Variants in ILRUN observed in about 807,000 individuals in gnomAD.
ILRUN encodes inflammation and lipid regulator with UBA-like and NBR1-like domains.
A neutral mutation model predicts 33.8 loss-of-function variants in ILRUN; 3 were observed. The ratio of observed to expected loss-of-function variants is 0.09; its 90% CI spans 0.04 to 0.23. The LOEUF is 0.23. Among genes scored for constraint, ILRUN ranks in the 10% least tolerant of loss-of-function variants. ILRUN has a pLI of 1.00. For synonymous variants in ILRUN, 124 were observed against 138.9 expected (o/e 0.89, Z 0.75); for missense variants, 210 against 375.1 (o/e 0.56, Z 3.64).
chr6:34,674,683 C>T (rs1274174119), intron 1 of ILRUN, among the ~76,000 whole-genome samples: 1 of 152,266 alleles, frequency 6.6e-6, no homozygotes, highest in African/African-American at 2.4e-5. Context: ...ACTCTTTAAA[C>T]CATACATTTG....
intron 2 of ILRUN, among the ~76,000 whole-genome samples, chr6:34,647,354 A>G (rs142079548): frequency 3.2e-4 from 49 of 152,332 alleles, no homozygotes; most frequent in African/African-American, 1.1e-3. Context: ...TCAAGAGCTC[A>G]AGAGACCACA....
intron 3 of ILRUN, chr6:34,617,321 G>GA (rs202152358): frequency 5.4e-4 from 166 of 307,856 alleles, no homozygotes; most frequent in East Asian, 8.6e-4. Flanking sequence ...CTCTCAAATT[G>GA]AAAAAAAAAG....
chr6:34,621,731 G>A (rs984938908), intron 3 of ILRUN, among the ~76,000 whole-genome samples: 31 of 152,112 alleles, frequency 2.0e-4, no homozygotes, highest in South Asian at 6.2e-4. Context: ...GCATGGTGGC[G>A]TACCCCTGTG....
At chr6:34,659,142 A>C (rs561958131) in intron 1 of ILRUN, among the ~76,000 whole-genome samples, 10 of 152,330 alleles carry the variant, frequency 6.6e-5, no homozygotes, top group Admixed American at 3.9e-4. Context: ...CATTCAAACA[A>C]AGGTTAACTC....
At chr6:34,594,393 G>C (rs944174356) in intron 4 of ILRUN, among the ~76,000 whole-genome samples, 6 of 152,152 alleles carry the variant, frequency 3.9e-5, no homozygotes, top group Non-Finnish European at 8.8e-5. Flanking sequence ...CAGCAAGACT[G>C]ATTTATCCAT....
chr6:34,607,386 A>T (rs1254147826), intron 3 of ILRUN, among the ~76,000 whole-genome samples: 6 of 152,206 alleles, frequency 3.9e-5, no homozygotes, highest in Non-Finnish European at 8.8e-5. Flanking sequence ...GACAAATGAG[A>T]GTGAAAGAGG....
At chr6:34,627,734 G>A (rs576930159) in intron 3 of ILRUN, among the ~76,000 whole-genome samples, 86 of 135,646 alleles carry the variant, frequency 6.3e-4, no homozygotes, top group African/African-American at 2.4e-3. Context: ...ACAGAGTTTC[G>A]CTCTTGTAGC....
intron 1 of ILRUN, among the ~76,000 whole-genome samples, chr6:34,674,782 T>A (rs1763191467): frequency 6.6e-6 from 1 of 152,168 alleles, no homozygotes; most frequent in Non-Finnish European, 1.5e-5. Flanking sequence ...GAGTTTCAGC[T>A]GGGTACAGTA....
At chr6:34,598,966 C>T (rs985448174) in intron 4 of ILRUN, among the ~76,000 whole-genome samples, 1 of 152,170 alleles carries the variant, frequency 6.6e-6, no homozygotes, top group African/African-American at 2.4e-5. Flanking sequence ...GGGACAGGTC[C>T]CTTGGTTGCT....
chr6:34,677,921 C>T (rs946139892), intron 1 of ILRUN, among the ~76,000 whole-genome samples: 5 of 124,922 alleles, frequency 4.0e-5, no homozygotes, highest in African/African-American at 1.3e-4. Context: ...TGCACTCTAG[C>T]GTGAGTGACA....
At chr6:34,631,513 T>C (rs751588144) in intron 3 of ILRUN, among the ~76,000 whole-genome samples, 1 of 152,028 alleles carries the variant, frequency 6.6e-6, no homozygotes, top group Non-Finnish European at 1.5e-5. Context: ...TTTTTTGATA[T>C]ACACAGAGTT....
intron 3 of ILRUN, among the ~76,000 whole-genome samples, chr6:34,644,499 G>A (rs1762530739): frequency 6.6e-6 from 1 of 152,080 alleles, no homozygotes; most frequent in African/African-American, 2.4e-5. Context: ...CTCAGCAGTG[G>A]GAGAAACAAC....
intron 1 of ILRUN, among the ~76,000 whole-genome samples, chr6:34,655,362 GATAT>G (rs1289899595): frequency 2.0e-5 from 3 of 152,112 alleles, no homozygotes; most frequent in Non-Finnish European, 4.4e-5. Context: ...TACACACACA[GATAT>G]AACTGTTCAT....
At chr6:34,650,177 G>A (rs549174481) in intron 2 of ILRUN, among the ~76,000 whole-genome samples, 1 of 152,084 alleles carries the variant, frequency 6.6e-6, no homozygotes, top group African/African-American at 2.4e-5. Flanking sequence ...AGCTCTAGGT[G>A]CTGGTAAAGA....
chr6:34,649,644 T>C (rs1762623496), intron 2 of ILRUN, among the ~76,000 whole-genome samples: 1 of 152,222 alleles, frequency 6.6e-6, no homozygotes, highest in Non-Finnish European at 1.5e-5. Flanking sequence ...TTAGTAAGTA[T>C]ATACAATTAT....
At chr6:34,683,108 C>A (rs1300460729) in intron 1 of ILRUN, among the ~76,000 whole-genome samples, 1 of 149,984 alleles carries the variant, frequency 6.7e-6, no homozygotes, top group African/African-American at 2.4e-5. Flanking sequence ...CCTTTTTGAC[C>A]CTGTCTCAAA....
intron 1 of ILRUN, among the ~76,000 whole-genome samples, chr6:34,693,667 A>ATTTTT (rs71810129): frequency 2.8e-5 from 4 of 142,206 alleles, no homozygotes; most frequent in Non-Finnish European, 3.1e-5. Flanking sequence ...GTTTTATTTT[A>ATTTTT]TTTTATTTTT....
intron 3 of ILRUN, among the ~76,000 whole-genome samples, chr6:34,641,426 C>G (rs1348859792): frequency 6.6e-6 from 1 of 152,146 alleles, no homozygotes; most frequent in African/African-American, 2.4e-5. Context: ...AAATACAGTA[C>G]TTTATAAAAT....
intron 3 of ILRUN, among the ~76,000 whole-genome samples, chr6:34,633,702 A>G (rs549571787): frequency 1.3e-5 from 2 of 151,810 alleles, no homozygotes; most frequent in African/African-American, 4.8e-5. Flanking sequence ...AATAAAAAGT[A>G]AAAAACAAGA....
Sources: allele counts gnomAD v4.1 joint callset (sites outside exome capture counted in the v4.1 genomes callset), GRCh38; gene constraint gnomAD v4.1.1; transcripts MANE v1.5; gene names NCBI Gene and HGNC (gene_info 2026-07-23, HGNC 2026-07-21).